GRIN2B: variants seen among roughly 807,000 people sequenced by gnomAD.
GRIN2B encodes glutamate receptor ionotropic, NMDA 2B.
Under a neutral mutation model 114.5 loss-of-function variants are expected in GRIN2B, and 5 were observed. The observed-to-expected ratio is 0.04, with a 90% CI of 0.02 to 0.09. The LOEUF is 0.09. Ranked by LOEUF, GRIN2B falls within the 10% of genes least tolerant of loss-of-function variation. GRIN2B has a pLI of 1.00. For missense variants in GRIN2B, 1,108 were observed against 1,943.5 expected, an observed-to-expected ratio of 0.57 and a Z score of 8.08; for synonymous variants, 787 against 745.1, an observed-to-expected ratio of 1.06 and a Z score of -0.92.
At chr12:13,719,067 G>A (rs868095564) in intron 4 of GRIN2B, among the ~76,000 whole-genome samples, 14 of 151,946 alleles carry the variant, frequency 9.2e-5, no homozygotes, top group Middle Eastern at 3.2e-3. Context: ...CTCCCCAACA[G>A]CTCCTCATAC....
intron 13 of GRIN2B, 53 bp downstream of exon 13, chr12:13,566,972 G>A (rs1198768511): frequency 8.1e-7 from 1 of 1,232,458 alleles, no homozygotes; most frequent in South Asian, 1.2e-5. Context: ...TTTGCACAGT[G>A]CTAGGCTAAG....
rs1242031401 is a variant in GRIN2B at position 13,558,701 on chromosome 12, C to CTCAA, written c.*4078_*4081dup. ...TAATGGAATCATTTGGGATTTTCCC[C>CTCAA]TCAATCACAACATGGCTGTGGCCAG... On this transcript the variant is annotated 3_prime_UTR_variant, in exon 14 of 14. Coordinates refer to ENST00000609686, the MANE Select transcript of GRIN2B (RefSeq NM_000834.5). 1.3e-5 allele frequency: 2 copies of CTCAA among 152,212 alleles called. No homozygotes were observed. Among genetic ancestry groups the CTCAA allele is most frequent in the African/African-American group, 4.8e-5 (2 of 41,448 alleles). The allele number at this position is 152,212 out of a possible 1,614,324, so 9.4% of individuals were successfully genotyped here. A position where few individuals can be genotyped will look rare whatever the true frequency, so the allele number is the denominator to read the frequency against.
At chr12:13,882,835 T>C (rs1866091143) in intron 2 of GRIN2B, among the ~76,000 whole-genome samples, 1 of 152,180 alleles carries the variant, frequency 6.6e-6, no homozygotes, top group Admixed American at 6.5e-5. Flanking sequence ...TTTTGACAAA[T>C]ATATACAGTA....
intron 5 of GRIN2B, among the ~76,000 whole-genome samples, chr12:13,632,913 G>T (rs1278088661): frequency 6.6e-6 from 1 of 152,174 alleles, no homozygotes; most frequent in Admixed American, 6.5e-5. Flanking sequence ...ATTCTAATGG[G>T]CACCAGAATT....
intron 3 of GRIN2B, among the ~76,000 whole-genome samples, chr12:13,847,990 C>T (rs1458932452): frequency 6.6e-6 from 1 of 152,110 alleles, no homozygotes; most frequent in Non-Finnish European, 1.5e-5. Flanking sequence ...TCTCTCCAGG[C>T]TCCAGAGCAG....
chr12:13,812,464 CT>C lies in GRIN2B; in HGVS notation c.411+53333del, dbSNP rs71067728. On this transcript the variant is annotated intron_variant, in intron 3 of 13. Coordinates refer to ENST00000609686, the MANE Select transcript of GRIN2B (RefSeq NM_000834.5). ...AATCTCTGTTTTGATATGTATTTAT[CT>C]TTTTTTTTCATTGTTCCTCTTCTCA... Among the ~76,000 whole-genome samples, 919 of 151,400 alleles carry C rather than the reference CT, an allele frequency of 6.1e-3. 8 individuals carry two copies. The highest frequency in any genetic ancestry group is 0.021 in the African/African-American group (866 of 41,298).
intron 5 of GRIN2B, among the ~76,000 whole-genome samples, chr12:13,648,083 C>T: frequency 6.6e-6 from 1 of 152,050 alleles, no homozygotes; most frequent in East Asian, 1.9e-4. Context: ...ATATATGGGC[C>T]ACAGTTAAAT....
chr12:13,692,700 A>G (rs1950224347), intron 4 of GRIN2B, among the ~76,000 whole-genome samples: 1 of 150,364 alleles, frequency 6.7e-6, no homozygotes, highest in Admixed American at 6.6e-5. Flanking sequence ...TGGTTACCCG[A>G]GACCCTGAAC....
chr12:13,886,218 G>A (rs542893540), intron 2 of GRIN2B, among the ~76,000 whole-genome samples: 1 of 152,208 alleles, frequency 6.6e-6, no homozygotes, highest in Non-Finnish European at 1.5e-5. Flanking sequence ...ATTTACCGGT[G>A]TATGTACTGG....
At chr12:13,826,926 C>T (rs1213497505) in intron 3 of GRIN2B, among the ~76,000 whole-genome samples, 2 of 151,266 alleles carry the variant, frequency 1.3e-5, no homozygotes, top group Non-Finnish European at 2.9e-5. Context: ...TTTTTTTCCT[C>T]TGAAAGCCTT....
At chr12:13,624,680 C>G (rs553726291) in intron 5 of GRIN2B, among the ~76,000 whole-genome samples, 1 of 152,188 alleles carries the variant, frequency 6.6e-6, no homozygotes, top group Non-Finnish European at 1.5e-5. Context: ...TGGGTACACA[C>G]GCTGAAGGGA....
chr12:13,790,889 G>A (rs1055912802), intron 3 of GRIN2B, among the ~76,000 whole-genome samples: 1 of 152,154 alleles, frequency 6.6e-6, no homozygotes, highest in Admixed American at 6.5e-5. Flanking sequence ...CAGAGAGCGG[G>A]GCCAAGAGTG....
At chr12:13,724,128 A>C (rs1862932861) in intron 4 of GRIN2B, among the ~76,000 whole-genome samples, 1 of 152,150 alleles carries the variant, frequency 6.6e-6, no homozygotes, top group Non-Finnish European at 1.5e-5. Context: ...TGTAAAGAAC[A>C]CATCTGAAGC....
At chr12:13,641,104 A>G (rs10845817) in intron 5 of GRIN2B, among the ~76,000 whole-genome samples, 145,471 of 151,798 alleles carry the variant, frequency 0.96, 69,988 homozygotes, top group East Asian at 1. Flanking sequence ...TTATTAGATG[A>G]AGTCTTGCTC....
intron 4 of GRIN2B, among the ~76,000 whole-genome samples, chr12:13,710,009 A>G (rs2136579110): frequency 6.6e-6 from 1 of 152,104 alleles, no homozygotes; most frequent in South Asian, 2.1e-4. Context: ...ACAGCCAAAA[A>G]CTAGAAACAG....
chr12:13,900,349 C>T (rs1866424725), intron 2 of GRIN2B, among the ~76,000 whole-genome samples: 1 of 151,962 alleles, frequency 6.6e-6, no homozygotes, highest in Non-Finnish European at 1.5e-5. Flanking sequence ...GTGGTGGACG[C>T]CTATAATCCC....
chr12:13,881,419 T>C (rs1201889493), intron 2 of GRIN2B, among the ~76,000 whole-genome samples: 1 of 152,158 alleles, frequency 6.6e-6, no homozygotes, highest in Non-Finnish European at 1.5e-5. Context: ...GCGGGTTTCA[T>C]TTCTAGACCA....
chr12:13,717,125 C>A (rs933004671), intron 4 of GRIN2B, among the ~76,000 whole-genome samples: 1 of 149,132 alleles, frequency 6.7e-6, no homozygotes, highest in Non-Finnish European at 1.5e-5. Flanking sequence ...ATTACAGAGA[C>A]CCTTAAATTT....
At chr12:13,967,697 T>C (rs1223321689) in intron 2 of GRIN2B, among the ~76,000 whole-genome samples, 1 of 152,098 alleles carries the variant, frequency 6.6e-6, no homozygotes, top group Non-Finnish European at 1.5e-5. Context: ...GTGGGATGGA[T>C]AGAGACACGA....
Sources: gnomAD v4.1 joint callset for allele counts (sites outside exome capture counted in the v4.1 genomes callset) on GRCh38, gnomAD v4.1.1 for gene constraint, MANE v1.5 for transcripts, NCBI Gene and HGNC (gene_info 2026-07-23, HGNC 2026-07-21) for gene names.